The following NPAT variants were observed in gnomAD, a reference collection of about 807,000 sequenced individuals.
The protein encoded by NPAT is protein NPAT.
A neutral mutation model predicts 130.7 loss-of-function variants in NPAT; 52 were observed. That is an observed-to-expected ratio of 0.40 (90% confidence interval 0.32 to 0.50). The LOEUF (loss-of-function observed/expected upper bound fraction) is 0.50. NPAT is among the 20% of genes least tolerant of loss of function. The probability of loss-of-function intolerance (pLI) is 0.68; values close to 1 mark genes in which losing one functional copy is unlikely to be tolerated. For missense variants in NPAT, 1,687 were observed against 1,662.6 expected, an observed-to-expected ratio of 1.01 and a Z score of -0.26; for synonymous variants, 580 against 584.8, an observed-to-expected ratio of 0.99 and a Z score of 0.12.
intron 1 of NPAT, among the ~76,000 whole-genome samples, chr11:108,222,266 C>T (rs1186760151): frequency 6.6e-6 from 1 of 152,176 alleles, no homozygotes; most frequent in Non-Finnish European, 1.5e-5. Context: ...CCACCCCGAG[C>T]TTCCCCTCGG....
chr11:108,192,319 C>G (rs1565320507), intron 3 of NPAT, 129 bp from the exon 4 acceptor site: 11 of 728,242 alleles, frequency 1.5e-5, no homozygotes. Context: ...AGAAATAAAT[C>G]TATGTTGTAA....
In NPAT at chr11:108,186,526, T is replaced by C. The variant is rs560523072; in HGVS notation, c.682A>G (p.Thr228Ala). Residue 228 changes from threonine to alanine, a missense_variant, in exon 8 of 18, where the codon ACA (threonine) becomes GCA (alanine). Coordinates refer to ENST00000278612, the MANE Select transcript of NPAT (RefSeq NM_002519.3). ...KSTTLSGPHS[T>A]IRNFQDPNAF... ...TTTGGATCTTGGAAATTCCGTATTG[T>C]TGAATGAGGGCCAGACAAAGTGGTA... The C allele has an allele frequency of 3.1e-6, 5 of 1,614,128 alleles. No individual in the cohort carries two copies. The highest frequency in any genetic ancestry group is 2.7e-5 in the African/African-American group (2 of 75,060).
intron 4 of NPAT, among the ~76,000 whole-genome samples, chr11:108,190,998 G>A (rs897364599): frequency 3.9e-5 from 6 of 152,098 alleles, no homozygotes; most frequent in East Asian, 1.9e-4. Context: ...GAGCTCAGGC[G>A]TTCAAGGCTA....
intron 1 of NPAT, chr11:108,208,600 AAGAG>A (rs577236782): frequency 2.9e-6 from 1 of 339,270 alleles, no homozygotes; most frequent in African/African-American, 2.2e-5. Context: ...AAAAAAAAAA[AAGAG>A]AGAGAGAGAA....
chr11:108,177,136 T>C, intron 10 of NPAT, 46 bp from the exon 11 acceptor site: 3 of 964,552 alleles, frequency 3.1e-6, no homozygotes, highest in Non-Finnish European at 4.9e-6. Context: ...ACTGAATTTA[T>C]ATATATTTAC....
chr11:108,170,343 C>T (rs993647036), intron 13 of NPAT: 2 of 368,772 alleles, frequency 5.4e-6, no homozygotes, highest in Admixed American at 4.1e-5. Context: ...ACAGCCAAGA[C>T]ATCATATTAC....
chr11:108,180,902 T>C (rs953355377), intron 10 of NPAT, among the ~76,000 whole-genome samples: 8 of 152,122 alleles, frequency 5.3e-5, no homozygotes, highest in South Asian at 4.1e-4. Context: ...TGTAGAACCT[T>C]GAGGATATTA....
intron 15 of NPAT, among the ~76,000 whole-genome samples, chr11:108,168,321 A>G (rs12276365): frequency 0.052 from 7,956 of 152,278 alleles, 689 homozygotes; most frequent in African/African-American, 0.18. Flanking sequence ...GACATATATA[A>G]AATACATTTA....
chr11:108,210,700 GA>G (rs2078376247), intron 1 of NPAT, among the ~76,000 whole-genome samples: 1 of 152,172 alleles, frequency 6.6e-6, no homozygotes. Flanking sequence ...CCTATAACAA[GA>G]AATGGAATTT....
intron 1 of NPAT, among the ~76,000 whole-genome samples, chr11:108,211,546 G>GA (rs200914423): frequency 0.043 from 4,772 of 111,582 alleles, 190 homozygotes; most frequent in East Asian, 0.13. Flanking sequence ...CTGTCTTCAG[G>GA]AAAAAAAAAA....
At chr11:108,179,407 A>G (rs2078037995) in intron 10 of NPAT, among the ~76,000 whole-genome samples, 1 of 152,130 alleles carries the variant, frequency 6.6e-6, no homozygotes, top group African/African-American at 2.4e-5. Context: ...AGCTGGGATT[A>G]AAGACATGTG....
chr11:108,193,807 T>G, intron 3 of NPAT, 150 bp downstream of exon 3: 1 of 558,430 alleles, frequency 1.8e-6, no homozygotes, highest in Non-Finnish European at 3.2e-6. Flanking sequence ...AAATTAGATG[T>G]GTCCCAGAAA....
At chr11:108,198,622 T>A (rs1056340380) in intron 1 of NPAT, among the ~76,000 whole-genome samples, 3 of 151,986 alleles carry the variant, frequency 2.0e-5, no homozygotes, top group Non-Finnish European at 4.4e-5. Flanking sequence ...GAGAACTTCC[T>A]AGATGTCTTT....
At chr11:108,182,238 T>A (rs1397192515) in intron 10 of NPAT, among the ~76,000 whole-genome samples, 2 of 152,028 alleles carry the variant, frequency 1.3e-5, no homozygotes, top group Non-Finnish European at 2.9e-5. Context: ...CAGAAAGGAG[T>A]CTGCATATGT....
chr11:108,186,774 G>A (rs2078111885), intron 7 of NPAT, among the ~76,000 whole-genome samples: 1 of 152,138 alleles, frequency 6.6e-6, no homozygotes, highest in African/African-American at 2.4e-5. Context: ...GGAAGCCCAT[G>A]TATTCAAAAA....
chr11:108,190,495 A>G lies in NPAT; in HGVS notation c.296T>C (p.Met99Thr). ...GCCAGCAAACCTTGGGGAACTTTGC[A>G]TGCTCCTAACAAAGAAAACAAAGTA... is the stretch of plus-strand genomic sequence containing the variant. Reference protein sequence around the residue: ...LDHTLSQIRSMQSSPRFAGSQ... With the variant: ...LDHTLSQIRSTQSSPRFAGSQ... Residue 99 changes from methionine (M) to threonine (T), a missense_variant, in exon 5 of 18, where the codon ATG (methionine) becomes ACG (threonine). By Grantham distance (81) the Met-to-Thr change is moderately conservative. Transcript: ENST00000278612. The G allele has an allele frequency of 1.9e-6, 3 of 1,613,848 alleles. No homozygotes were observed. The highest frequency in any genetic ancestry group is 2.2e-5 in the East Asian group (1 of 44,878).
rs759624218 is a variant in NPAT, at chr11:108,185,481, T to G, written c.740A>C (p.Glu247Ala). 1.1e-5 allele frequency: 18 copies of G among 1,608,712 alleles called. No individual in the cohort carries two copies. The highest frequency in any genetic ancestry group is 1.5e-5 in the Non-Finnish European group (18 of 1,175,964). Residue 247 changes from glutamate to alanine, a missense_variant, in exon 9 of 18, where the codon GAA becomes GCA. By Grantham distance (107) the Glu-to-Ala change is moderately radical. Coordinates refer to ENST00000278612, the MANE Select transcript of NPAT (RefSeq NM_002519.3). ...AFAVEKQMVI[E>A]NAREKILSNK... ...GCTTAGTATTTTTTCTCGTGCATTT[T>G]CAATAACCATTTGCTGGAAAAGAAA... is the stretch of plus-strand genomic sequence containing the variant.
chr11:108,206,091 G>T (rs1213934045), intron 1 of NPAT, among the ~76,000 whole-genome samples: 2 of 152,168 alleles, frequency 1.3e-5, no homozygotes, highest in Non-Finnish European at 2.9e-5. Flanking sequence ...ATAAGTGTTT[G>T]TTGTACGTAA....
rs780439297 is a variant in NPAT at position 108,190,484 on chromosome 11, G to A, written c.307C>T (p.Pro103Ser). ...CCTCTCTGACTGCCAGCAAACCTTGGGGAACTTTGCATGCTCCTAACAAAG... is the reference window on the plus strand; with the variant it reads ...CCTCTCTGACTGCCAGCAAACCTTGAGGAACTTTGCATGCTCCTAACAAAG... Reference protein sequence around the residue: ...LSQIRSMQSSPRFAGSQRART... With the variant: ...LSQIRSMQSSSRFAGSQRART... The change falls in exon 5 of 18, where the codon CCA becomes TCA. Residue 103 changes from proline (P) to serine (S), a missense_variant. Pro to Ser is a moderately conservative substitution (Grantham distance 74). Transcript: ENST00000278612. 2 of 1,613,776 alleles carry A rather than the reference G, an allele frequency of 1.2e-6. No individual in the cohort carries two copies. The highest frequency in any genetic ancestry group is 2.7e-5 in the African/African-American group (2 of 74,864).
Sources: allele counts gnomAD v4.1 joint callset (sites outside exome capture counted in the v4.1 genomes callset), GRCh38; gene constraint gnomAD v4.1.1; transcripts MANE v1.5; gene names NCBI Gene and HGNC (gene_info 2026-07-23, HGNC 2026-07-21).